Variants in CBFB observed in about 807,000 individuals in gnomAD.
CBFB encodes the protein CBF-beta.
CBFB carries 9 observed loss-of-function variants against 30.4 expected under a neutral mutation model. The observed-to-expected ratio is 0.30, with a 90% CI of 0.18 to 0.52. The LOEUF (loss-of-function observed/expected upper bound fraction) is 0.52, where lower values mean the gene tolerates loss of function less well. Among genes scored for constraint, CBFB ranks in the 20% least tolerant of loss-of-function variants. CBFB has a pLI of 0.97. For missense variants in CBFB, 170 were observed against 244.0 expected (o/e 0.70, Z 2.02); for synonymous variants, 94 against 84.0 (o/e 1.12, Z -0.65).
intron 4 of CBFB, among the ~76,000 whole-genome samples, chr16:67,069,157 T>C (rs1210480416): frequency 6.6e-6 from 1 of 152,038 alleles, no homozygotes; most frequent in African/African-American, 2.4e-5. Flanking sequence ...GAGATTGCAG[T>C]GAGCTGAGAT....
intron 2 of CBFB, chr16:67,030,067 C>G (rs1469419626): frequency 2.3e-6 from 1 of 430,500 alleles, no homozygotes; most frequent in African/African-American, 2.1e-5. Flanking sequence ...CGAACCCGAG[C>G]CAGACTAAAC....
intron 5 of CBFB, among the ~76,000 whole-genome samples, chr16:67,087,896 G>C (rs573515865): frequency 3.9e-4 from 60 of 152,116 alleles, no homozygotes; most frequent in Non-Finnish European, 7.5e-4. Flanking sequence ...GTAAATAATA[G>C]CTCTGAAGTA....
intron 5 of CBFB, among the ~76,000 whole-genome samples, chr16:67,084,310 CAAG>C (rs1422667341): frequency 6.6e-6 from 1 of 151,110 alleles, no homozygotes; most frequent in Non-Finnish European, 1.5e-5. Flanking sequence ...ACATTTCATA[CAAG>C]AAGAAATAGA....
At chr16:67,033,947 G>T (rs1471923155) in intron 2 of CBFB, among the ~76,000 whole-genome samples, 1 of 150,866 alleles carries the variant, frequency 6.6e-6, no homozygotes, top group Non-Finnish European at 1.5e-5. Flanking sequence ...TCCTGCCTCA[G>T]CCTCCCGAGT....
At chr16:67,067,434 C>T (rs1457699434) in intron 4 of CBFB, among the ~76,000 whole-genome samples, 1 of 152,160 alleles carries the variant, frequency 6.6e-6, no homozygotes, top group African/African-American at 2.4e-5. Flanking sequence ...ACGAGAATCG[C>T]TCGAACCCAG....
Position 67,053,399 on chromosome 16 carries a change from C to T in CBFB, c.283-13283C>T. On this transcript the variant is annotated intron_variant, in intron 3 of 5. Coordinates refer to ENST00000412916, the MANE Select transcript of CBFB (RefSeq NM_022845.3). ...CTCCCGAGTAGCTGGGACTACGGGC[C>T]CCCTCACCACCACACCTGGCTAATT... is the stretch of plus-strand genomic sequence containing the variant. Among the ~76,000 whole-genome samples, 2 of 151,318 alleles carry T rather than the reference C, an allele frequency of 1.3e-5. 1 individual carries two copies. The highest frequency in any genetic ancestry group is 2.9e-5 in the Non-Finnish European group (2 of 67,846).
At chr16:67,056,511 C>CGT (rs374921594) in intron 3 of CBFB, among the ~76,000 whole-genome samples, 7 of 151,992 alleles carry the variant, frequency 4.6e-5, no homozygotes, top group South Asian at 2.1e-4. Flanking sequence ...AATGGCAAGT[C>CGT]GTGTGTGTGT....
intron 2 of CBFB, among the ~76,000 whole-genome samples, chr16:67,034,303 A>G (rs1232037320): frequency 6.6e-6 from 1 of 152,246 alleles, no homozygotes; most frequent in Admixed American, 6.5e-5. Context: ...GATTGGCACA[A>G]GGTGTGCTAT....
chr16:67,041,768 CTTTTTTTTTTT>C (rs140180530), intron 3 of CBFB, among the ~76,000 whole-genome samples: 1 of 98,900 alleles, frequency 1.0e-5, no homozygotes, highest in Non-Finnish European at 2.1e-5. Flanking sequence ...TGTTTCTTTA[CTTTTTTTTTTT>C]TTTTTTTTTT....
chr16:67,055,204 T>C (rs984992463), intron 3 of CBFB, among the ~76,000 whole-genome samples: 9 of 152,024 alleles, frequency 5.9e-5, no homozygotes, highest in African/African-American at 1.7e-4. Flanking sequence ...GAGAGCATAT[T>C]GGTGGCAAGT....
intron 3 of CBFB, among the ~76,000 whole-genome samples, chr16:67,040,368 A>C (rs570949159): frequency 6.6e-6 from 1 of 152,344 alleles, no homozygotes; most frequent in South Asian, 2.1e-4. Context: ...GTTTTGAGGA[A>C]CTATAGTTGT....
intron 3 of CBFB, among the ~76,000 whole-genome samples, chr16:67,059,505 T>TA (rs1248408991): frequency 2.0e-5 from 3 of 152,176 alleles, no homozygotes; most frequent in African/African-American, 7.2e-5. Context: ...CTCAAACACA[T>TA]ACATTTTTGC....
At chr16:67,075,149 C>G (rs565488258) in intron 4 of CBFB, among the ~76,000 whole-genome samples, 85 of 151,774 alleles carry the variant, frequency 5.6e-4, no homozygotes, top group African/African-American at 2.0e-3. Context: ...GAGATCACGT[C>G]ACTGCACTCC....
At chr16:67,097,560 AAAAG>A (rs1962089008) in intron 5 of CBFB, among the ~76,000 whole-genome samples, 1 of 152,030 alleles carries the variant, frequency 6.6e-6, no homozygotes, top group African/African-American at 2.4e-5. Context: ...AAAAAAAAAA[AAAAG>A]CATCTGGGAA....
At chr16:67,034,979 C>T (rs915983015) in intron 2 of CBFB, among the ~76,000 whole-genome samples, 18 of 151,292 alleles carry the variant, frequency 1.2e-4, no homozygotes, top group Admixed American at 9.9e-4. Context: ...TGCTTCAGGT[C>T]GTACAGCCTG....
intron 2 of CBFB, chr16:67,030,120 C>T (rs990131694): frequency 9.4e-6 from 3 of 318,386 alleles, no homozygotes; most frequent in African/African-American, 6.6e-5. Flanking sequence ...AAGAAGGGTT[C>T]AGGGTATTTG....
chr16:67,093,123 T>A (rs1033848526), intron 5 of CBFB, among the ~76,000 whole-genome samples: 15 of 152,102 alleles, frequency 9.9e-5, no homozygotes, highest in African/African-American at 3.4e-4. Flanking sequence ...TTTTTAAAAA[T>A]TTTTTGTAGG....
intron 5 of CBFB, among the ~76,000 whole-genome samples, chr16:67,092,770 T>C (rs1961934550): frequency 1.6e-5 from 2 of 124,244 alleles, no homozygotes; most frequent in Non-Finnish European, 3.2e-5. Flanking sequence ...TGGAGTGCAG[T>C]GGCCAGATCT....
intron 5 of CBFB, among the ~76,000 whole-genome samples, chr16:67,094,562 C>T (rs1961985726): frequency 6.6e-6 from 1 of 152,078 alleles, no homozygotes; most frequent in South Asian, 2.1e-4. Context: ...GACACAAAAG[C>T]TGAAATACTC....
Sources: allele counts gnomAD v4.1 joint callset (sites outside exome capture counted in the v4.1 genomes callset), GRCh38; gene constraint gnomAD v4.1.1; transcripts MANE v1.5; gene names NCBI Gene and HGNC (gene_info 2026-07-23, HGNC 2026-07-21).